The following ZFHX3 variants were observed in gnomAD, a reference collection of about 807,000 sequenced individuals.
The protein encoded by ZFHX3 is zinc finger homeobox protein 3.
ZFHX3 carries 42 observed loss-of-function variants against 279.1 expected under a neutral mutation model. The ratio of observed to expected loss-of-function variants is 0.15; its 90% CI spans 0.12 to 0.19. The LOEUF is 0.19. ZFHX3 is among the 10% of genes least tolerant of loss of function. The pLI, the probability that ZFHX3 is intolerant of heterozygous loss-of-function variation, is 1.00. For missense variants in ZFHX3, 4,981 were observed against 4,754.0 expected, an observed-to-expected ratio of 1.05 and a Z score of -1.40; for synonymous variants, 2,293 against 1,957.8, an observed-to-expected ratio of 1.17 and a Z score of -4.52.
chr16:73,638,319 G>T (rs1260370576), intron 2 of ZFHX3, among the ~76,000 whole-genome samples: 1 of 152,186 alleles, frequency 6.6e-6, no homozygotes, highest in African/African-American at 2.4e-5. Context: ...TTTATTAGGA[G>T]CTCTTATTGC....
intron 1 of ZFHX3, among the ~76,000 whole-genome samples, chr16:73,798,889 GATGTCTGA>G (rs1207998685): frequency 6.6e-6 from 1 of 152,214 alleles, no homozygotes; most frequent in African/African-American, 2.4e-5. Context: ...AACCCTGCCT[GATGTCTGA>G]ATCATTATAC....
intron 2 of ZFHX3, among the ~76,000 whole-genome samples, chr16:73,605,956 G>C (rs371768200): frequency 2.0e-5 from 3 of 151,942 alleles, no homozygotes; most frequent in Admixed American, 6.6e-5. Flanking sequence ...AGACCGAGGC[G>C]GGCGGATCAC....
intron 1 of ZFHX3, among the ~76,000 whole-genome samples, chr16:73,873,734 A>G (rs2029877619): frequency 6.6e-6 from 1 of 152,210 alleles, no homozygotes. Flanking sequence ...ATATGAATCA[A>G]ATAATGTTGA....
chr16:72,897,128 G>A (rs1179013136), intron 3 of ZFHX3, among the ~76,000 whole-genome samples: 1 of 152,216 alleles, frequency 6.6e-6, no homozygotes, highest in Non-Finnish European at 1.5e-5. Context: ...AAGGCAGGCA[G>A]GAGAGCCTGT....
chr16:72,794,305 C>T lies in ZFHX3; in HGVS notation c.8377G>A (p.Glu2793Lys), dbSNP rs953508094. 3.1e-6 allele frequency: 5 copies of T among 1,610,120 alleles called. No individual in the cohort carries two copies. Among genetic ancestry groups the T allele is most frequent in the Non-Finnish European group, 4.2e-6 (5 of 1,177,730 alleles). Residue 2793 changes from glutamate to lysine, a missense_variant, in exon 9 of 10, where the codon GAA (glutamate) becomes AAA (lysine). By Grantham distance (56) the Glu-to-Lys change is moderately conservative (BLOSUM62 1). Around this residue, in one of 7 missense-constraint regions of ZFHX3, gnomAD observed 744 missense variants for 701.3 expected, o/e 1.06. Coordinates refer to ENST00000268489, the MANE Select transcript of ZFHX3 (RefSeq NM_006885.4). The surrounding 1 kb of genome is among the most constrained non-coding windows in gnomAD (Gnocchi z 4.2). ...CTTAGAAGAGTTCTGGGTGACAATT[C>T]CATGGTTTTACTCACAGGTGAGAGG... ...VPLSPVSKTM[E>K]LSPRTLLSPS...
chr16:73,770,913 A>G (rs985635725), intron 1 of ZFHX3, among the ~76,000 whole-genome samples: 10 of 152,168 alleles, frequency 6.6e-5, no homozygotes, highest in African/African-American at 2.2e-4. Flanking sequence ...GGATGGATGG[A>G]TCACTTTTCT....
chr16:73,860,952 T>G (rs1050074934), intron 1 of ZFHX3, among the ~76,000 whole-genome samples: 3 of 151,846 alleles, frequency 2.0e-5, no homozygotes, highest in African/African-American at 7.3e-5. Context: ...GGTTCTATGA[T>G]GGAAATAACA....
chr16:73,799,759 C>T (rs1050779204), intron 1 of ZFHX3, among the ~76,000 whole-genome samples: 1 of 152,176 alleles, frequency 6.6e-6, no homozygotes, highest in Non-Finnish European at 1.5e-5. Flanking sequence ...TTTGAAATTG[C>T]TTCCAGCTAA....
chr16:73,682,886 GAAAGAAAGAAAGAAAGAA>G lies in ZFHX3; in HGVS notation c.-1607-2664_-1607-2647del, dbSNP rs1567550496. On this transcript the variant is annotated intron_variant, in intron 1 of 17. Coordinates refer to the ZFHX3 transcript ENST00000641206. Reference sequence around the variant, plus strand: ...AGAAAGAAAGAAAGAAAGAAAGAAAGAAAGAAAGAAAGAAAGAAAGAGAAAGAAAGAGAGAAAGAGAAA... The same window carrying G: ...AGAAAGAAAGAAAGAAAGAAAGAAAGAGAGAAAGAAAGAGAGAAAGAGAAA... Among the ~76,000 whole-genome samples, 24 of 61,322 alleles carry G rather than the reference GAAAGAAAGAAAGAAAGAA, an allele frequency of 3.9e-4. 1 individual carries two copies. The East Asian group carries it at 5.8e-3, about 15-fold the overall frequency. 40.2% of individuals were successfully genotyped at this position (61,322 alleles called of 152,430 possible). A position where few individuals can be genotyped will look rare whatever the true frequency, so the allele number is the denominator to read the frequency against.
At chr16:73,716,447 C>A (rs377405837) in intron 1 of ZFHX3, among the ~76,000 whole-genome samples, 1 of 152,158 alleles carries the variant, frequency 6.6e-6, no homozygotes, top group Non-Finnish European at 1.5e-5. Flanking sequence ...ATTAAAAAGA[C>A]GGGCTATTTT....
intron 1 of ZFHX3, among the ~76,000 whole-genome samples, chr16:73,034,869 G>A (rs1312156039): frequency 1.3e-5 from 2 of 152,206 alleles, no homozygotes; most frequent in African/African-American, 4.8e-5. Flanking sequence ...ACAATCTCAT[G>A]AGCATGTCGG....
chr16:73,611,544 G>A (rs907772607), intron 2 of ZFHX3, among the ~76,000 whole-genome samples: 9 of 152,210 alleles, frequency 5.9e-5, no homozygotes, highest in African/African-American at 1.9e-4. Context: ...TAAACTAGAT[G>A]AATCTCAACT....
At chr16:73,787,679 C>T (rs561332282) in intron 1 of ZFHX3, among the ~76,000 whole-genome samples, 4 of 152,116 alleles carry the variant, frequency 2.6e-5, no homozygotes, top group South Asian at 2.1e-4. Context: ...AGGGGCTTGC[C>T]GCCTTGAATG....
chr16:73,116,698 A>G (rs11075965), intron 7 of ZFHX3, among the ~76,000 whole-genome samples: 16,430 of 152,188 alleles, frequency 0.11, 925 homozygotes, highest in Middle Eastern at 0.16. Flanking sequence ...GCAAGAAGTC[A>G]AAGGACTCTG....
chr16:73,608,914 C>T (rs2052218222), intron 2 of ZFHX3: 1 of 152,160 alleles, frequency 6.6e-6, no homozygotes, highest in South Asian at 2.1e-4. Context: ...ATTAGCATTT[C>T]TAATTACTCT....
chr16:73,090,526 A>C (rs1033401627), intron 8 of ZFHX3, among the ~76,000 whole-genome samples: 1 of 152,212 alleles, frequency 6.6e-6, no homozygotes, highest in Non-Finnish European at 1.5e-5. Flanking sequence ...AGTGCCTATC[A>C]CATAGTATTT....
rs370197517 is a variant in ZFHX3 at position 73,779,550 on chromosome 16, T to G, written c.-1607-99310A>C. On this transcript the variant is annotated intron_variant, in intron 1 of 17. Coordinates refer to the ZFHX3 transcript ENST00000641206. ...CCTGCCGTGTCTGCCATGGGCAAGG[T>G]GAAACATTTAAGACCCACAAAGATA... 3.3e-5 allele frequency among the ~76,000 whole-genome samples: 5 copies of G among 152,162 alleles called. No homozygotes were observed. The East Asian group carries it at 7.7e-4, about 24-fold the overall frequency.
chr16:72,794,322 G>T lies in ZFHX3; in HGVS notation c.8360C>A (p.Pro2787His), dbSNP rs2035822118. Residue 2787 changes from proline to histidine, a missense_variant, in exon 9 of 10, where the codon CCT becomes CAT. Pro to His is a moderately conservative substitution (Grantham distance 77). Around this residue, in one of 7 missense-constraint regions of ZFHX3, gnomAD observed 744 missense variants for 701.3 expected, o/e 1.06. Coordinates refer to ENST00000268489, the MANE Select transcript of ZFHX3 (RefSeq NM_006885.4). The surrounding 1 kb of genome is among the most constrained non-coding windows in gnomAD (Gnocchi z 4.2). Reference protein sequence around the residue: ...SSDGQGVPLSPVSKTMELSPR... With the variant: ...SSDGQGVPLSHVSKTMELSPR... ...TGACAATTCCATGGTTTTACTCACAGGTGAGAGGGGGACACCCTGACCATC... is the reference window on the plus strand; with the variant it reads ...TGACAATTCCATGGTTTTACTCACATGTGAGAGGGGGACACCCTGACCATC... 1 of 1,606,386 alleles carries T rather than the reference G, an allele frequency of 6.2e-7. No homozygotes were observed. The highest frequency in any genetic ancestry group is 1.7e-5 in the Admixed American group (1 of 59,546).
intron 4 of ZFHX3, among the ~76,000 whole-genome samples, chr16:73,261,673 T>TTTTTTTG: frequency 7.0e-6 from 1 of 142,712 alleles, no homozygotes; most frequent in South Asian, 2.3e-4. Context: ...TGATTGTTTT[T>TTTTTTTG]TTTTTTTTTT....
Sources: gnomAD v4.1 joint callset for allele counts (sites outside exome capture counted in the v4.1 genomes callset) on GRCh38, gnomAD v4.1.1 for gene constraint, gnomAD v4.1.1 regional missense constraint, Gnocchi (gnomAD v3.1) non-coding constraint, MANE v1.5 for transcripts, NCBI Gene and HGNC (gene_info 2026-07-23, HGNC 2026-07-21) for gene names.